Variants in MBP observed in about 807,000 individuals in gnomAD.
MBP encodes myelin basic protein.
A neutral mutation model predicts 35.8 loss-of-function variants in MBP; 16 were observed. The ratio of observed to expected loss-of-function variants is 0.45; its 90% CI spans 0.30 to 0.68. MBP has a LOEUF of 0.68. Among genes scored for constraint, MBP ranks in the 30% least tolerant of loss-of-function variants. The pLI is 0.08. For missense variants in MBP, 380 were observed against 404.7 expected (o/e 0.94, Z 0.52); for synonymous variants, 143 against 159.6 (o/e 0.90, Z 0.78).
intron 4 of MBP, chr18:77,015,364 A>G (rs763942713): frequency 2.6e-5 from 26 of 985,296 alleles, no homozygotes; most frequent in Non-Finnish European, 3.0e-5. Flanking sequence ...GCAACGCTTT[A>G]TTGGGCAACC....
At chr18:77,019,168 T>G (rs1004694529) in intron 3 of MBP, among the ~76,000 whole-genome samples, 5 of 152,256 alleles carry the variant, frequency 3.3e-5, no homozygotes, top group Non-Finnish European at 7.3e-5. Context: ...CTTGTCCTCG[T>G]GAAACCTACA....
At chr18:77,095,578 C>G (rs535285676) in intron 2 of MBP, 95 of 152,296 alleles carry the variant, frequency 6.2e-4, no homozygotes, top group African/African-American at 2.1e-3. Flanking sequence ...TGACAGGGGT[C>G]GGTTTCAACA....
intron 3 of MBP, 21 bp downstream of exon 3, chr18:77,066,277 G>C: frequency 6.3e-7 from 1 of 1,592,422 alleles, no homozygotes. Context: ...GCGCCATGTT[G>C]CCGATATCTG....
intron 7 of MBP, 60 bp from the exon 8 acceptor site, chr18:76,984,954 C>T (rs1391489121): frequency 6.3e-7 from 1 of 1,598,766 alleles, no homozygotes; most frequent in African/African-American, 1.3e-5. Flanking sequence ...GCTGCTTGAG[C>T]CACTGGGAGC....
rs917129663 is a variant in MBP at position 77,042,925 on chromosome 18, G to T, written c.139+23373C>A. Among the ~76,000 whole-genome samples the T allele has an allele frequency of 6.6e-5, 10 of 152,364 alleles. 1 individual carries two copies. Among genetic ancestry groups the T allele is most frequent in the Admixed American group, 5.9e-4 (9 of 15,302 alleles). On this transcript the variant is annotated intron_variant, in intron 3 of 8. Coordinates refer to ENST00000355994, the MANE Select transcript of MBP (RefSeq NM_001025101.2). The stretch of plus-strand genomic sequence containing the variant: ...ACATGATTTTCCAGATTAGGAGAAG[G>T]TGATATAATAATTAGTCAAATGGGA...
intron 4 of MBP, chr18:77,014,084 G>C: frequency 2.2e-5 from 22 of 985,444 alleles, no homozygotes; most frequent in Non-Finnish European, 2.5e-5. Context: ...GGCAACAACA[G>C]TCCTTTCTTT....
intron 1 of MBP, among the ~76,000 whole-genome samples, chr18:77,125,577 T>C (rs1977021709): frequency 6.6e-6 from 1 of 152,112 alleles, no homozygotes; most frequent in South Asian, 2.1e-4. Context: ...TTTAAAGAAA[T>C]AGAATAATAC....
chr18:77,132,317 G>A (rs1035354225), intron 1 of MBP, among the ~76,000 whole-genome samples: 2 of 152,162 alleles, frequency 1.3e-5, no homozygotes, highest in African/African-American at 4.8e-5. Context: ...GATCGGGGGC[G>A]GCGACTTGGG....
At chr18:77,005,981 C>T (rs470681) in intron 4 of MBP, 112,999 of 152,256 alleles carry the variant, frequency 0.74, 42,167 homozygotes, top group Admixed American at 0.78. Flanking sequence ...ATTGCTGTTT[C>T]ACAGGAGAGG....
chr18:77,067,867 T>C (rs749545702), intron 2 of MBP: 5 of 509,278 alleles, frequency 9.8e-6, no homozygotes, highest in South Asian at 7.2e-5. Context: ...AAGACCACCC[T>C]GAAGTCTGAT....
At chr18:77,080,213 T>C (rs762225410) in intron 2 of MBP, among the ~76,000 whole-genome samples, 1 of 152,226 alleles carries the variant, frequency 6.6e-6, no homozygotes, top group Non-Finnish European at 1.5e-5. Context: ...TAATAAAAGA[T>C]GCTAGTAAAA....
intron 2 of MBP, among the ~76,000 whole-genome samples, chr18:77,078,029 C>T (rs1487162661): frequency 6.6e-6 from 1 of 152,192 alleles, no homozygotes; most frequent in Non-Finnish European, 1.5e-5. Context: ...GACTGCAGAC[C>T]CACGTGCCCG....
chr18:77,075,277 G>T (rs1035984124), intron 2 of MBP, among the ~76,000 whole-genome samples: 1 of 152,164 alleles, frequency 6.6e-6, no homozygotes, highest in African/African-American at 2.4e-5. Context: ...GTGAATTTTT[G>T]CACAAACCAT....
intron 2 of MBP, among the ~76,000 whole-genome samples, chr18:77,099,782 G>C (rs2145094220): frequency 6.6e-6 from 1 of 152,350 alleles, no homozygotes; most frequent in South Asian, 2.1e-4. Context: ...ATGCACACCT[G>C]CCCTGGGGGG....
intron 3 of MBP, among the ~76,000 whole-genome samples, chr18:77,032,417 T>C (rs1972575984): frequency 6.6e-6 from 1 of 152,216 alleles, no homozygotes; most frequent in Non-Finnish European, 1.5e-5. Flanking sequence ...AATGCCTCCT[T>C]TGTGTGCCCA....
In MBP at chr18:77,025,705, CTT is replaced by C. The variant is rs540022394; in HGVS notation, c.140-8439_140-8438del. 7.5e-4 allele frequency among the ~76,000 whole-genome samples: 82 copies of C among 108,762 alleles called. 2 individuals carry two copies. Among genetic ancestry groups the C allele is most frequent in the East Asian group, 5.4e-3 (16 of 2,958 alleles). 71.4% of individuals were successfully genotyped at this position (108,762 alleles called of 152,430 possible). A position where few individuals can be genotyped will look rare whatever the true frequency, so the allele number is the denominator to read the frequency against. ...GCGGACACTGTCCTCTATTGAAATACTTTTTTTTTTTTTTTTTTTTACCTAGA... is the reference window on the plus strand; with the variant it reads ...GCGGACACTGTCCTCTATTGAAATACTTTTTTTTTTTTTTTTTTACCTAGA... On this transcript the variant is annotated intron_variant, in intron 3 of 8. Transcript: ENST00000355994.
rs1969751460 is a variant in MBP at position 76,989,203 on chromosome 18, G to A, written c.682-291C>T. Reference sequence around the variant, plus strand: ...GGGCCCATCTTGGGACACTGAGGGAGGCGGCGGACTTTGCTTCACCGTGAG... The same window carrying A: ...GGGCCCATCTTGGGACACTGAGGGAAGCGGCGGACTTTGCTTCACCGTGAG... On this transcript the variant is annotated intron_variant, in intron 5 of 8. Coordinates refer to ENST00000355994, the MANE Select transcript of MBP (RefSeq NM_001025101.2). The surrounding 1 kb of genome is among the most constrained non-coding windows in gnomAD (Gnocchi z 4.0). The A allele has an allele frequency of 3.3e-6, 2 of 601,334 alleles. No homozygotes were observed. Among genetic ancestry groups the A allele is most frequent in the East Asian group, 6.2e-5 (2 of 32,398 alleles). The allele number at this position is 601,334 out of a possible 1,614,324, so 37.2% of individuals were successfully genotyped here.
intron 2 of MBP, among the ~76,000 whole-genome samples, chr18:77,085,931 C>T (rs1975213527): frequency 6.6e-6 from 1 of 152,248 alleles, no homozygotes; most frequent in East Asian, 1.9e-4. Context: ...ATCCACCTGC[C>T]TCAGCCTCCC....
rs1438880559 is a variant in MBP, at chr18:76,989,796, C to A, written c.681+160G>T. On this transcript the variant is annotated intron_variant, in intron 5 of 8. Transcript: ENST00000355994. This position sits in a 1 kb window ranked among gnomAD's most constrained non-coding sequence, Gnocchi z 4.0. ...AGTCGGGAAGCGCTTGCCTGGAACT[C>A]GCGATCAGGTGCGAGGGGGGAGTTC... 2.9e-5 allele frequency: 18 copies of A among 629,554 alleles called. No individual in the cohort carries two copies. Among genetic ancestry groups the A allele is most frequent in the Middle Eastern group, 4.3e-4 (1 of 2,350 alleles). 39.0% of individuals were successfully genotyped at this position (629,554 alleles called of 1,614,324 possible).
Sources: gnomAD v4.1 joint callset for allele counts (sites outside exome capture counted in the v4.1 genomes callset) on GRCh38, gnomAD v4.1.1 for gene constraint, Gnocchi (gnomAD v3.1) non-coding constraint, MANE v1.5 for transcripts, NCBI Gene and HGNC (gene_info 2026-07-23, HGNC 2026-07-21) for gene names.